The following CYP2C19 variants were observed in gnomAD, a reference collection of about 807,000 sequenced individuals.
CYP2C19 encodes cytochrome P450 2C19.
In CYP2C19, 59 loss-of-function variants were observed where a neutral mutation model predicts 40.9. The observed-to-expected ratio is 1.44, with a 90% CI of 1.17 to 1.79. The LOEUF is 1.79. Ranked by LOEUF, CYP2C19 falls within the 40% of genes most tolerant of loss-of-function variation. CYP2C19 has a pLI of 0.00. For synonymous variants in CYP2C19, 253 were observed against 208.7 expected (o/e 1.21, Z -1.83); for missense variants, 754 against 596.9 (o/e 1.26, Z -2.74).
Position 94,853,883 on chromosome 10 carries a change from T to C in CYP2C19, c.*969T>C, listed in dbSNP as rs1048308960. Among the ~76,000 whole-genome samples the C allele has an allele frequency of 5.9e-5, 9 of 152,140 alleles. No homozygotes were observed. Among genetic ancestry groups the C allele is most frequent in the African/African-American group, 1.9e-4 (8 of 41,436 alleles). On this transcript the variant is annotated 3_prime_UTR_variant, in exon 9 of 9. Coordinates refer to ENST00000371321, the MANE Select transcript of CYP2C19 (RefSeq NM_000769.4). ...AAAGTGTCATTACTTTATCTCTAAA[T>C]AAAGAATCAGGTTACTTTTATTACT...
intron 3 of CYP2C19, among the ~76,000 whole-genome samples, chr10:94,777,582 A>G (rs1413429520): frequency 1.3e-5 from 2 of 152,160 alleles, no homozygotes; most frequent in African/African-American, 2.4e-5. Context: ...ATGGTGTTGG[A>G]CAAACTGTCT....
intron 5 of CYP2C19, among the ~76,000 whole-genome samples, chr10:94,805,708 A>T (rs1157346954): frequency 2.0e-5 from 3 of 152,088 alleles, no homozygotes; most frequent in Non-Finnish European, 4.4e-5. Flanking sequence ...ACATGGTGAA[A>T]CCCTGTCTCT....
intron 1 of CYP2C19, among the ~76,000 whole-genome samples, chr10:94,768,204 A>C (rs1848274326): frequency 6.6e-6 from 1 of 152,096 alleles, no homozygotes. Context: ...TCCCTTTCCC[A>C]GTTCTAAGGC....
chr10:94,769,135 G>T (rs1460232651), intron 1 of CYP2C19, among the ~76,000 whole-genome samples: 1 of 152,176 alleles, frequency 6.6e-6, no homozygotes, highest in Non-Finnish European at 1.5e-5. Flanking sequence ...TATTTGACCT[G>T]CTGTAGGCAA....
chr10:94,804,701 C>A (rs766388814), intron 5 of CYP2C19, among the ~76,000 whole-genome samples: 1 of 152,116 alleles, frequency 6.6e-6, no homozygotes, highest in Non-Finnish European at 1.5e-5. Flanking sequence ...CAGCTGAATG[C>A]CATCATGAGG....
chr10:94,800,021 T>C (rs1589358658), intron 5 of CYP2C19, among the ~76,000 whole-genome samples: 1 of 152,218 alleles, frequency 6.6e-6, no homozygotes, highest in Non-Finnish European at 1.5e-5. Flanking sequence ...ATCAAAGTCA[T>C]GCTCCATCCA....
chr10:94,779,566 C>CTTTTT (rs1554849213), intron 3 of CYP2C19, among the ~76,000 whole-genome samples: 1 of 142,384 alleles, frequency 7.0e-6, no homozygotes. Context: ...CTTTTCTTTT[C>CTTTTT]TTTTTTTTTT....
chr10:94,795,099 C>T (rs905793840), intron 5 of CYP2C19, among the ~76,000 whole-genome samples: 2 of 151,138 alleles, frequency 1.3e-5, no homozygotes, highest in African/African-American at 4.9e-5. Flanking sequence ...TGGTGTGCTG[C>T]ACCCATTAAC....
At chr10:94,841,418 G>A (rs1461654556) in intron 6 of CYP2C19, among the ~76,000 whole-genome samples, 2 of 152,196 alleles carry the variant, frequency 1.3e-5, no homozygotes, top group East Asian at 3.9e-4. Context: ...TGGACGGCGA[G>A]TGAAAGCTCA....
chr10:94,801,052 T>C (rs1227247465), intron 5 of CYP2C19, among the ~76,000 whole-genome samples: 4 of 152,190 alleles, frequency 2.6e-5, no homozygotes, highest in East Asian at 1.9e-4. Flanking sequence ...ACCAATGAGA[T>C]GAACAAGGTA....
At chr10:94,828,485 C>A (rs574011448) in intron 6 of CYP2C19, among the ~76,000 whole-genome samples, 128 of 144,994 alleles carry the variant, frequency 8.8e-4, no homozygotes, top group Non-Finnish European at 1.6e-3. Context: ...AGGATTGCAA[C>A]CCCTGCCTTT....
chr10:94,836,587 A>G (rs1308558436), intron 6 of CYP2C19, among the ~76,000 whole-genome samples: 2 of 152,232 alleles, frequency 1.3e-5, no homozygotes, highest in Non-Finnish European at 2.9e-5. Context: ...CATACCTGGG[A>G]ATCCACATTC....
Position 94,774,664 on chromosome 10 carries a change from G to C in CYP2C19, c.169-394G>C, listed in dbSNP as rs531973003. On this transcript the variant is annotated intron_variant, in intron 1 of 8. Transcript: ENST00000371321. Reference sequence around the variant, plus strand: ...TTTGTCTTAAGGTAGACACAAGAGTGCTGATAAATTTCTCAAGCATGAGTG... The same window carrying C: ...TTTGTCTTAAGGTAGACACAAGAGTCCTGATAAATTTCTCAAGCATGAGTG... 9.0e-5 allele frequency: 19 copies of C among 210,772 alleles called. No individual in the cohort carries two copies. In the South Asian group the frequency reaches 1.5e-3, roughly 16 times the overall value. 13.1% of individuals were successfully genotyped at this position (210,772 alleles called of 1,614,324 possible).
chr10:94,842,288 T>C (rs1034825158), intron 6 of CYP2C19, among the ~76,000 whole-genome samples: 7 of 152,166 alleles, frequency 4.6e-5, no homozygotes, highest in African/African-American at 1.7e-4. Flanking sequence ...ATCTATTTTG[T>C]CTGCTTTAAA....
At chr10:94,831,402 G>A (rs1486387660) in intron 6 of CYP2C19, among the ~76,000 whole-genome samples, 3 of 152,120 alleles carry the variant, frequency 2.0e-5, no homozygotes, top group African/African-American at 4.8e-5. Flanking sequence ...CCCAGTAGTA[G>A]GGTTGTTGGT....
intron 6 of CYP2C19, among the ~76,000 whole-genome samples, chr10:94,822,062 T>C (rs1849132041): frequency 6.6e-6 from 1 of 152,216 alleles, no homozygotes; most frequent in Non-Finnish European, 1.5e-5. Flanking sequence ...TGTTCTTGTA[T>C]TAGATTGCTT....
chr10:94,829,989 A>C (rs912229094), intron 6 of CYP2C19, among the ~76,000 whole-genome samples: 2 of 152,208 alleles, frequency 1.3e-5, no homozygotes, highest in African/African-American at 2.4e-5. Context: ...TCAGGGACCC[A>C]CTTGAGGAGG....
At chr10:94,842,450 T>C (rs990941128) in intron 6 of CYP2C19, among the ~76,000 whole-genome samples, 2 of 149,842 alleles carry the variant, frequency 1.3e-5, no homozygotes, top group Admixed American at 1.3e-4. Context: ...CTTCATCTAG[T>C]CAGTTTGTCT....
Position 94,781,894 on chromosome 10 carries a change from T to A in CYP2C19, c.716T>A (p.Phe239Tyr). ...AACAAATTACTTAAAAACCTTGCTT[T>A]TATGGAAAGTGATATTTTGGAGAAA... ...THNKLLKNLA[F>Y]MESDILEKVK... The change falls in exon 5 of 9, where the codon TTT becomes TAT. Residue 239 changes from phenylalanine (F) to tyrosine (Y), a missense_variant. Phe to Tyr is a conservative substitution (Grantham distance 22). Transcript: ENST00000371321. The A allele has an allele frequency of 6.6e-7, 1 of 1,504,248 alleles. No homozygotes were observed. Among genetic ancestry groups the A allele is most frequent in the East Asian group, 2.7e-5 (1 of 37,518 alleles). The allele number at this position is 1,504,248 out of a possible 1,614,324, so 93.2% of individuals were successfully genotyped here.
Sources: gnomAD v4.1 joint callset for allele counts (sites outside exome capture counted in the v4.1 genomes callset) on GRCh38, gnomAD v4.1.1 for gene constraint, MANE v1.5 for transcripts, NCBI Gene and HGNC (gene_info 2026-07-23, HGNC 2026-07-21) for gene names.